Variants in COL3A1 observed in about 807,000 individuals in gnomAD.
The protein encoded by COL3A1 is collagen type III alpha 1 chain.
A neutral mutation model predicts 200.9 loss-of-function variants in COL3A1; 46 were observed. That is an observed-to-expected ratio of 0.23 (90% CI 0.18 to 0.29). The LOEUF (loss-of-function observed/expected upper bound fraction) is 0.29, where lower values mean the gene tolerates loss of function less well. COL3A1 is among the 10% of genes least tolerant of loss of function. The pLI is 1.00. For synonymous variants in COL3A1, 650 were observed against 628.0 expected, an observed-to-expected ratio of 1.03 and a Z score of -0.52; for missense variants, 1,367 against 1,917.6, an observed-to-expected ratio of 0.71 and a Z score of 5.36.
In COL3A1 at chr2:188,994,122, A is replaced by G; in HGVS notation, c.1194+40A>G. The G allele has an allele frequency of 6.2e-7, 1 of 1,613,416 alleles. No individual in the cohort carries two copies. Among genetic ancestry groups the G allele is most frequent in the South Asian group, 1.1e-5 (1 of 91,074 alleles). ...CTCCTCAGCCTTATCTCATCCACAC[A>G]TTACTGGCTTCTTTTGCATTTTGCA... On this transcript the variant is annotated intron_variant, in intron 17 of 50. Transcript: ENST00000304636. This position sits in a 1 kb window ranked among gnomAD's most constrained non-coding sequence, Gnocchi z 4.5.
chr2:188,981,425 G>A (rs1354477803), intron 1 of COL3A1, among the ~76,000 whole-genome samples: 2 of 150,970 alleles, frequency 1.3e-5, no homozygotes, highest in African/African-American at 4.9e-5. Flanking sequence ...CATGGGAGAT[G>A]GAATTTAAAA....
In COL3A1 at chr2:189,003,464, T is replaced by C; in HGVS notation, c.2607T>C (p.Pro869=). The change falls in exon 37 of 51, where the codon CCT becomes CCC. Residue 869 remains proline, a splice_region_variant and synonymous_variant. Transcript: ENST00000304636. ...GTGAACGTGGCAGTCCTGGTGGACC[T>C]GTAAGTATTGATCCTCTTAACTATT... ...VKGERGSPGG[P]GAAGFPGARG... 1 of 1,613,292 alleles carries C rather than the reference T, an allele frequency of 6.2e-7. No homozygotes were observed. Among genetic ancestry groups the C allele is most frequent in the Non-Finnish European group, 8.5e-7 (1 of 1,179,296 alleles).
intron 47 of COL3A1, chr2:189,008,444 C>T: frequency 2.2e-6 from 1 of 454,786 alleles, no homozygotes; most frequent in African/African-American, 2.0e-5. Context: ...CTCAGAATTA[C>T]AACATTCATA....
chr2:189,004,644 T>TA (rs1688549220), intron 40 of COL3A1, among the ~76,000 whole-genome samples: 2 of 152,224 alleles, frequency 1.3e-5, no homozygotes. Context: ...AACTTGTGAA[T>TA]ATTCTTCAAT....
At chr2:188,980,065 TTACTC>T (rs1231592990) in intron 1 of COL3A1, among the ~76,000 whole-genome samples, 1 of 151,576 alleles carries the variant, frequency 6.6e-6, no homozygotes, top group Non-Finnish European at 1.5e-5. Context: ...GCAAATAAAA[TTACTC>T]TAAGGAAGAA....
In COL3A1 at chr2:189,011,943, G is replaced by T. The variant is rs1688739246; in HGVS notation, c.*169G>T. ...AGAAAAATGATACTTCTCTTTTTTTGCTGTTCCACCAAATACAATTCAAAT... is the reference window on the plus strand; with the variant it reads ...AGAAAAATGATACTTCTCTTTTTTTTCTGTTCCACCAAATACAATTCAAAT... On this transcript the variant is annotated 3_prime_UTR_variant, in exon 51 of 51. Transcript: ENST00000304636. 2 of 711,908 alleles carry T rather than the reference G, an allele frequency of 2.8e-6. No individual in the cohort carries two copies. Among genetic ancestry groups the T allele is most frequent in the South Asian group, 3.8e-5 (2 of 53,162 alleles). The allele number at this position is 711,908 out of a possible 1,614,324, so 44.1% of individuals were successfully genotyped here. A position where few individuals can be genotyped will look rare whatever the true frequency, so the allele number is the denominator to read the frequency against.
At position 189,005,536 on chromosome 2, in the gene COL3A1, T is replaced by A. The variant is rs559808304; in HGVS notation, c.3039+79T>A. On this transcript the variant is annotated intron_variant, in intron 41 of 50. Coordinates refer to ENST00000304636, the MANE Select transcript of COL3A1 (RefSeq NM_000090.4). ...GCAAAGGTGAAATTGAGCTTTAATG[T>A]CTAAGAGTGTAAATATGGCCACATA... is the stretch of plus-strand genomic sequence containing the variant. 18 of 1,173,380 alleles carry A rather than the reference T, an allele frequency of 1.5e-5. No individual in the cohort carries two copies. In the South Asian group the frequency reaches 2.1e-4, roughly 14 times the overall value. 72.7% of individuals were successfully genotyped at this position (1,173,380 alleles called of 1,614,324 possible).
At chr2:188,990,066 C>T (rs372299723) in intron 8 of COL3A1, 30 bp from the exon 9 acceptor site, 69 of 1,601,414 alleles carry the variant, frequency 4.3e-5, no homozygotes, top group Middle Eastern at 1.7e-4. Context: ...CATACATGAG[C>T]ACCTACGTAT....
At chr2:188,989,732 T>A (rs1346008601) in intron 8 of COL3A1, among the ~76,000 whole-genome samples, 1 of 152,132 alleles carries the variant, frequency 6.6e-6, no homozygotes, top group Non-Finnish European at 1.5e-5. Flanking sequence ...GAAATAGGTG[T>A]CTCTGCCTGC....
intron 1 of COL3A1, among the ~76,000 whole-genome samples, chr2:188,979,217 T>C (rs1211154212): frequency 6.6e-6 from 1 of 151,950 alleles, no homozygotes; most frequent in African/African-American, 2.4e-5. Flanking sequence ...TTTTCTATAG[T>C]ATTTTGTGTG....
At chr2:188,987,844 GACA>G (rs1280861074) in intron 5 of COL3A1, among the ~76,000 whole-genome samples, 4 of 151,904 alleles carry the variant, frequency 2.6e-5, no homozygotes, top group African/African-American at 7.2e-5. Flanking sequence ...AAGAGTTCAG[GACA>G]ACATTTTATA....
intron 16 of COL3A1, 94 bp downstream of exon 16, chr2:188,993,553 A>T (rs1688233577): frequency 9.2e-7 from 1 of 1,082,996 alleles, no homozygotes; most frequent in African/African-American, 1.6e-5. Flanking sequence ...ATGTGCTTCA[A>T]TATGGCTATC....
In COL3A1 at chr2:188,990,029, T is replaced by C. The variant is rs750460489; in HGVS notation, c.691-67T>C. On this transcript the variant is annotated intron_variant, in intron 8 of 50. Transcript: ENST00000304636. ...GTGAGAAAAATGCAAAGTAACCATTTTGCTTATTGGCTACAATGTATTTTC... is the reference window on the plus strand; with the variant it reads ...GTGAGAAAAATGCAAAGTAACCATTCTGCTTATTGGCTACAATGTATTTTC... 592 of 1,425,564 alleles carry C rather than the reference T, an allele frequency of 4.2e-4. 1 individual carries two copies. Among genetic ancestry groups the C allele is most frequent in the Non-Finnish European group, 5.6e-4 (563 of 1,008,760 alleles). The allele number at this position is 1,425,564 out of a possible 1,614,324, so 88.3% of individuals were successfully genotyped here.
Position 188,993,348 on chromosome 2 carries a change from G to GT in COL3A1, c.1051-9dup. The stretch of plus-strand genomic sequence containing the variant: ...TGGTAAGAGAAACTGACTACACAAG[G>GT]TTTTACCATTAGGGTGAAGTTGGAC... On this transcript the variant is annotated splice_polypyrimidine_tract_variant and intron_variant, in intron 15 of 50. Transcript: ENST00000304636. The GT allele has an allele frequency of 6.4e-7, 1 of 1,559,370 alleles. No homozygotes were observed. The highest frequency in any genetic ancestry group is 8.7e-7 in the Non-Finnish European group (1 of 1,149,908).
Position 188,994,538 on chromosome 2 carries a change from T to C in COL3A1, c.1294-3T>C, listed in dbSNP as rs587779496. On this transcript the variant is annotated splice_polypyrimidine_tract_variant and splice_region_variant and intron_variant, in intron 18 of 50. Coordinates refer to ENST00000304636, the MANE Select transcript of COL3A1 (RefSeq NM_000090.4). The surrounding 1 kb of genome is among the most constrained non-coding windows in gnomAD (Gnocchi z 4.5). Reference sequence around the variant, plus strand: ...TTTCAACCAAGACTTTGTTATACTTTAGGGTGAGCCTGGTAAGAATGGTGC... The same window carrying C: ...TTTCAACCAAGACTTTGTTATACTTCAGGGTGAGCCTGGTAAGAATGGTGC... 2 of 1,614,154 alleles carry C rather than the reference T, an allele frequency of 1.2e-6. No individual in the cohort carries two copies. The highest frequency in any genetic ancestry group is 2.7e-5 in the African/African-American group (2 of 75,042).
Position 188,993,836 on chromosome 2 carries a change from G to A in COL3A1, c.1150-202G>A, listed in dbSNP as rs150209394. 3.2e-4 allele frequency among the ~76,000 whole-genome samples: 49 copies of A among 152,170 alleles called. No individual in the cohort carries two copies. In the East Asian group the frequency reaches 6.9e-3, roughly 22 times the overall value. ...TTATGTATCATTTAATAATTTATACGAAGTACATATTATCTCTAATTTATT... is the reference window on the plus strand; with the variant it reads ...TTATGTATCATTTAATAATTTATACAAAGTACATATTATCTCTAATTTATT... On this transcript the variant is annotated intron_variant, in intron 16 of 50. Transcript: ENST00000304636.
chr2:189,010,714 C>A lies in COL3A1; in HGVS notation c.4078C>A (p.Leu1360Ile), dbSNP rs1354735653. ...TGTGCATCTGGCATTCCTTCGACTT[C>A]TCTCCAGCCGAGCTTCCCAGAACAT... ...LDVHLAFLRL[L>I]SSRASQNITY... The change falls in exon 50 of 51, where the codon CTC (leucine) becomes ATC (isoleucine). Residue 1360 changes from leucine (L) to isoleucine (I), a missense_variant. Transcript: ENST00000304636. The A allele has an allele frequency of 6.2e-7, 1 of 1,614,154 alleles. No homozygotes were observed. Among genetic ancestry groups the A allele is most frequent in the Non-Finnish European group, 8.5e-7 (1 of 1,180,000 alleles).
At chr2:189,005,062 T>C (rs971062477) in intron 40 of COL3A1, among the ~76,000 whole-genome samples, 1 of 152,184 alleles carries the variant, frequency 6.6e-6, no homozygotes, top group Non-Finnish European at 1.5e-5. Context: ...TTTTTCCCTA[T>C]ACTAATCATG....
intron 5 of COL3A1, 105 bp from the exon 6 acceptor site, chr2:188,987,976 A>G (rs1688097940): frequency 1.2e-6 from 1 of 843,104 alleles, no homozygotes; most frequent in South Asian, 1.4e-5. Flanking sequence ...AAGATGAGAT[A>G]TAGTTGTTCA....
Sources: gnomAD v4.1 joint callset for allele counts (sites outside exome capture counted in the v4.1 genomes callset) on GRCh38, gnomAD v4.1.1 for gene constraint, Gnocchi (gnomAD v3.1) non-coding constraint, MANE v1.5 for transcripts, NCBI Gene and HGNC (gene_info 2026-07-23, HGNC 2026-07-21) for gene names.